PRKCA: variants seen among roughly 807,000 people sequenced by gnomAD.
PRKCA encodes protein kinase C alpha.
PRKCA carries 27 observed loss-of-function variants against 87.0 expected under a neutral mutation model. That is an observed-to-expected ratio of 0.31 (90% confidence interval 0.23 to 0.43). The LOEUF is 0.43. Ranked by LOEUF, PRKCA falls within the 20% of genes least tolerant of loss-of-function variation. The pLI, the probability that PRKCA is intolerant of heterozygous loss-of-function variation, is 1.00. For synonymous variants in PRKCA, 329 were observed against 311.1 expected (o/e 1.06, Z -0.61); for missense variants, 518 against 852.3 (o/e 0.61, Z 4.88).
Position 66,590,631 on chromosome 17 carries a change from C to G in PRKCA, c.289-50724C>G, listed in dbSNP as rs544583204. On this transcript the variant is annotated intron_variant, in intron 3 of 16. Coordinates refer to ENST00000413366, the MANE Select transcript of PRKCA (RefSeq NM_002737.3). Reference sequence around the variant, plus strand: ...TGGGAGGCCAAGGTGTGTGGATCACCTGAGGTCTGGAGTTCTGAGACCAGA... The same window carrying G: ...TGGGAGGCCAAGGTGTGTGGATCACGTGAGGTCTGGAGTTCTGAGACCAGA... 3.3e-3 allele frequency among the ~76,000 whole-genome samples: 502 copies of G among 152,156 alleles called. 1 individual carries two copies. Among genetic ancestry groups the G allele is most frequent in the African/African-American group, 0.011 (477 of 41,502 alleles).
chr17:66,643,957 G>C (rs1326171528), intron 4 of PRKCA, among the ~76,000 whole-genome samples: 1 of 152,162 alleles, frequency 6.6e-6, no homozygotes, highest in Non-Finnish European at 1.5e-5. Flanking sequence ...ACTGCAACAC[G>C]GCCCAGTGCA....
intron 2 of PRKCA, among the ~76,000 whole-genome samples, chr17:66,313,837 C>A (rs1468149104): frequency 6.6e-6 from 1 of 152,090 alleles, no homozygotes; most frequent in African/African-American, 2.4e-5. Context: ...AGTAAATGTA[C>A]ATGAATGGCA....
intron 14 of PRKCA, among the ~76,000 whole-genome samples, chr17:66,785,914 C>T (rs925533771): frequency 5.3e-5 from 8 of 152,284 alleles, no homozygotes; most frequent in Admixed American, 2.0e-4. Context: ...CTGCAAGCCC[C>T]GCCTCCCAGG....
intron 3 of PRKCA, among the ~76,000 whole-genome samples, chr17:66,554,057 C>G (rs983307522): frequency 6.6e-6 from 1 of 151,998 alleles, no homozygotes; most frequent in Non-Finnish European, 1.5e-5. Context: ...AACTGGGCAC[C>G]AGACATTGGC....
At chr17:66,607,770 G>A (rs539015203) in intron 3 of PRKCA, among the ~76,000 whole-genome samples, 39 of 152,138 alleles carry the variant, frequency 2.6e-4, no homozygotes, top group African/African-American at 9.2e-4. Flanking sequence ...CCAACGTGCA[G>A]GGTTTGTTTG....
At chr17:66,717,489 G>T (rs1180042726) in intron 8 of PRKCA, among the ~76,000 whole-genome samples, 1 of 152,172 alleles carries the variant, frequency 6.6e-6, no homozygotes, top group African/African-American at 2.4e-5. Context: ...GGTGCCCCCT[G>T]GGCTCATTCT....
intron 3 of PRKCA, among the ~76,000 whole-genome samples, chr17:66,624,246 G>A (rs73993960): frequency 0.022 from 3,347 of 151,960 alleles, 144 homozygotes; most frequent in African/African-American, 0.076. Context: ...GTAAGGCCTG[G>A]CTTAGTCTGG....
intron 2 of PRKCA, among the ~76,000 whole-genome samples, chr17:66,332,637 G>A (rs1471610537): frequency 6.6e-6 from 1 of 152,008 alleles, no homozygotes; most frequent in Non-Finnish European, 1.5e-5. Context: ...ATCCACATTA[G>A]GTCCATTCTA....
intron 2 of PRKCA, among the ~76,000 whole-genome samples, 190 bp from the exon 3 acceptor site, chr17:66,496,011 G>C (rs533193656): frequency 6.6e-6 from 1 of 152,284 alleles, no homozygotes; most frequent in Admixed American, 6.5e-5. Flanking sequence ...TTGGGACTCT[G>C]TTATCTATGA....
chr17:66,650,965 G>C (rs1971577298), intron 5 of PRKCA, among the ~76,000 whole-genome samples: 1 of 152,196 alleles, frequency 6.6e-6, no homozygotes, highest in Non-Finnish European at 1.5e-5. Flanking sequence ...CCGTGTCACA[G>C]ACTGTGTGGT....
intron 3 of PRKCA, among the ~76,000 whole-genome samples, chr17:66,589,762 A>G (rs1276904749): frequency 1.3e-5 from 2 of 152,186 alleles, no homozygotes; most frequent in African/African-American, 4.8e-5. Context: ...CCCTTGTGTC[A>G]GGGGCTCATG....
At chr17:66,356,878 C>T (rs1175164855) in intron 2 of PRKCA, among the ~76,000 whole-genome samples, 1 of 152,172 alleles carries the variant, frequency 6.6e-6, no homozygotes, top group Non-Finnish European at 1.5e-5. Flanking sequence ...CCTTAGCCTC[C>T]TGAGTCGCTG....
intron 3 of PRKCA, among the ~76,000 whole-genome samples, chr17:66,508,125 AC>A (rs999186499): frequency 2.6e-5 from 4 of 151,758 alleles, no homozygotes; most frequent in South Asian, 2.1e-4. Context: ...AGTGGGGAGC[AC>A]CCCCCCTCAC....
chr17:66,706,479 C>CAAA (rs398031367), intron 8 of PRKCA, among the ~76,000 whole-genome samples: 35 of 142,882 alleles, frequency 2.4e-4, no homozygotes, highest in African/African-American at 8.8e-4. Flanking sequence ...ACTAAAAATA[C>CAAA]AAAAAAAAAA....
intron 3 of PRKCA, among the ~76,000 whole-genome samples, chr17:66,615,465 G>C (rs1385895915): frequency 6.6e-6 from 1 of 151,996 alleles, no homozygotes; most frequent in East Asian, 1.9e-4. Flanking sequence ...CTGGATCTAG[G>C]GTTCTAAACA....
intron 2 of PRKCA, among the ~76,000 whole-genome samples, chr17:66,440,755 A>G (rs985545214): frequency 6.6e-6 from 1 of 152,082 alleles, no homozygotes; most frequent in African/African-American, 2.4e-5. Context: ...GTTGGGCATG[A>G]TGACTCAGGC....
intron 3 of PRKCA, among the ~76,000 whole-genome samples, chr17:66,563,475 T>C (rs1251514388): frequency 6.6e-6 from 1 of 152,250 alleles, no homozygotes; most frequent in Non-Finnish European, 1.5e-5. Context: ...CACTTTAGTT[T>C]CCTCCATGCC....
chr17:66,523,460 A>C (rs1598740066), intron 3 of PRKCA, among the ~76,000 whole-genome samples: 1 of 152,214 alleles, frequency 6.6e-6, no homozygotes, highest in East Asian at 1.9e-4. Flanking sequence ...GAAGACAAAC[A>C]ATCCTACTTA....
In PRKCA at chr17:66,302,911, C is replaced by T. The variant is rs1432138923; in HGVS notation, c.60C>T (p.Phe20=). ...STASQDVANR[F]ARKGALRQKN... is the part of the protein sequence containing the mutation. ...CGTCTCAGGACGTGGCCAACCGCTTCGCCCGCAAAGGGGCGCTGAGGCAGA... is the reference window on the plus strand; with the variant it reads ...CGTCTCAGGACGTGGCCAACCGCTTTGCCCGCAAAGGGGCGCTGAGGCAGA... Residue 20 remains phenylalanine, a synonymous_variant, in exon 1 of 17, where the codon TTC becomes TTT. Transcript: ENST00000413366. 3.7e-6 allele frequency: 6 copies of T among 1,612,074 alleles called. No individual in the cohort carries two copies. Among genetic ancestry groups the T allele is most frequent in the Non-Finnish European group, 4.2e-6 (5 of 1,179,046 alleles).
Sources: gnomAD v4.1 joint callset for allele counts (sites outside exome capture counted in the v4.1 genomes callset) on GRCh38, gnomAD v4.1.1 for gene constraint, MANE v1.5 for transcripts, NCBI Gene and HGNC (gene_info 2026-07-23, HGNC 2026-07-21) for gene names.